MCMBP: variants seen among roughly 807,000 people sequenced by gnomAD.
MCMBP encodes the protein minichromosome maintenance complex binding protein, also known as mini-chromosome maintenance complex-binding protein.
MCMBP carries 31 observed loss-of-function variants against 81.3 expected under a neutral mutation model. That is an observed-to-expected ratio of 0.38 (90% CI 0.29 to 0.51). The LOEUF (loss-of-function observed/expected upper bound fraction) is 0.51. Ranked by LOEUF, MCMBP falls within the 20% of genes least tolerant of loss-of-function variation. MCMBP has a pLI of 0.87. For missense variants in MCMBP, 645 were observed against 772.1 expected (o/e 0.84, Z 1.95); for synonymous variants, 267 against 275.9 (o/e 0.97, Z 0.32).
chr10:119,844,448 A>C (rs1191734747), intron 8 of MCMBP, among the ~76,000 whole-genome samples: 1 of 152,214 alleles, frequency 6.6e-6, no homozygotes, highest in Admixed American at 6.5e-5. Flanking sequence ...TACACGTACA[A>C]ATTCACCAAA....
chr10:119,843,538 T>C (rs910751333), intron 8 of MCMBP, 112 bp from the exon 9 acceptor site: 5 of 989,046 alleles, frequency 5.1e-6, no homozygotes, highest in Non-Finnish European at 7.3e-6. Flanking sequence ...TATTTCCACC[T>C]GTACATCTCC....
At chr10:119,850,522 G>A (rs1852772693) in intron 6 of MCMBP, among the ~76,000 whole-genome samples, 1 of 152,116 alleles carries the variant, frequency 6.6e-6, no homozygotes, top group Non-Finnish European at 1.5e-5. Context: ...GGCTGAGGCA[G>A]GTGGATCACG....
At chr10:119,833,877 A>C (rs961792369) in intron 14 of MCMBP, among the ~76,000 whole-genome samples, 1 of 152,184 alleles carries the variant, frequency 6.6e-6, no homozygotes, top group African/African-American at 2.4e-5. Context: ...AGAATCACCA[A>C]ATAGAGAGTA....
intron 6 of MCMBP, among the ~76,000 whole-genome samples, chr10:119,850,764 A>AAC (rs1444777924): frequency 1.0e-4 from 15 of 148,832 alleles, no homozygotes; most frequent in African/African-American, 3.4e-4. Flanking sequence ...AAAAAAAAAA[A>AAC]GGAAAAAAAA....
chr10:119,854,202 C>T (rs770674888), intron 5 of MCMBP, among the ~76,000 whole-genome samples: 15 of 151,784 alleles, frequency 9.9e-5, no homozygotes, highest in Non-Finnish European at 1.6e-4. Flanking sequence ...CCACCAAGCC[C>T]GGCTAGTTTT....
At chr10:119,836,855 C>T (rs2134342138) in intron 13 of MCMBP, 41 bp downstream of exon 13, 1 of 1,363,148 alleles carries the variant, frequency 7.3e-7, no homozygotes, top group Middle Eastern at 2.0e-4. Context: ...AGGTATTTTT[C>T]CAATGTCAAC....
chr10:119,855,888 C>T (rs1265804270), intron 5 of MCMBP, among the ~76,000 whole-genome samples: 3 of 152,132 alleles, frequency 2.0e-5, no homozygotes, highest in African/African-American at 7.2e-5. Context: ...GTTTAAATGA[C>T]TTCAAAACAG....
chr10:119,853,250 T>C, intron 5 of MCMBP, 56 bp from the exon 6 acceptor site: 1 of 1,541,232 alleles, frequency 6.5e-7, no homozygotes, highest in South Asian at 1.2e-5. Flanking sequence ...CCTAAAGTTT[T>C]GCTAATTATA....
At chr10:119,862,609 T>C (rs1223684737) in intron 1 of MCMBP, among the ~76,000 whole-genome samples, 1 of 152,228 alleles carries the variant, frequency 6.6e-6, no homozygotes, top group East Asian at 1.9e-4. Context: ...GACATTTAGA[T>C]TGTCTTCAGG....
chr10:119,835,416 G>A (rs1454356218), intron 14 of MCMBP, 124 bp downstream of exon 14: 1 of 845,004 alleles, frequency 1.2e-6, no homozygotes, highest in African/African-American at 1.7e-5. Context: ...AGTAACAGAG[G>A]AATAAAAAAA....
chr10:119,842,073 C>T (rs1852454286), intron 10 of MCMBP, among the ~76,000 whole-genome samples: 3 of 152,096 alleles, frequency 2.0e-5, no homozygotes, highest in Admixed American at 1.3e-4. Context: ...CACAGGAGCG[C>T]GAACCCTATT....
chr10:119,839,611 G>A (rs1395835181), intron 11 of MCMBP, among the ~76,000 whole-genome samples: 1 of 152,098 alleles, frequency 6.6e-6, no homozygotes, highest in African/African-American at 2.4e-5. Flanking sequence ...AACCCCCAGG[G>A]AATTGCTTAA....
Position 119,847,699 on chromosome 10 carries a change from C to T in MCMBP, c.741G>A (p.Trp247Ter). ...PACLVKVYED[W>*]DCFKVNDILE... Reference sequence around the variant, plus strand: ...GAATGTCATTTACTTTGAAACAATCCCAATCTTCATAAACCTAACAAGAGA... The same window carrying T: ...GAATGTCATTTACTTTGAAACAATCTCAATCTTCATAAACCTAACAAGAGA... The change falls in exon 8 of 16, where the codon TGG (tryptophan) becomes TGA (stop). Residue 247 changes from tryptophan to a stop codon, truncating the protein, a stop_gained. Transcript: ENST00000369077. LOFTEE classifies it high-confidence loss of function. The T allele has an allele frequency of 6.2e-7, 1 of 1,605,804 alleles. No homozygotes were observed.
At chr10:119,845,359 C>G (rs1276921208) in intron 8 of MCMBP, among the ~76,000 whole-genome samples, 1 of 150,744 alleles carries the variant, frequency 6.6e-6, no homozygotes, top group Non-Finnish European at 1.5e-5. Context: ...TTGGCAATCT[C>G]AAAACAAAAC....
intron 13 of MCMBP, 136 bp downstream of exon 13, chr10:119,836,757 GTTT>G (rs199759464): frequency 6.4e-5 from 19 of 296,938 alleles, no homozygotes; most frequent in Middle Eastern, 1.4e-3. Context: ...AGCAGTCACA[GTTT>G]TTTTTTTTTT....
At chr10:119,839,328 T>G (rs1852353423) in intron 11 of MCMBP, among the ~76,000 whole-genome samples, 1 of 152,132 alleles carries the variant, frequency 6.6e-6, no homozygotes, top group Admixed American at 6.6e-5. Context: ...GTGCTCTGCC[T>G]TATACACCAA....
chr10:119,833,418 G>A (rs1418826985), intron 14 of MCMBP, among the ~76,000 whole-genome samples: 1 of 151,520 alleles, frequency 6.6e-6, no homozygotes, highest in Non-Finnish European at 1.5e-5. Context: ...CAAGGTGGGA[G>A]GACTACTTGA....
chr10:119,836,775 T>G (rs1349840254), intron 13 of MCMBP, 121 bp downstream of exon 13: 2 of 244,150 alleles, frequency 8.2e-6, no homozygotes, highest in Non-Finnish European at 6.5e-6. Flanking sequence ...TTTTTTTTTT[T>G]TTTTTTTTTT....
chr10:119,835,154 G>C (rs1267669461), intron 14 of MCMBP, among the ~76,000 whole-genome samples: 1 of 152,176 alleles, frequency 6.6e-6, no homozygotes, highest in African/African-American at 2.4e-5. Flanking sequence ...GGAGCACAAG[G>C]GAGAGGAGAA....
Sources: gnomAD v4.1 joint callset for allele counts (sites outside exome capture counted in the v4.1 genomes callset) on GRCh38, gnomAD v4.1.1 for gene constraint, MANE v1.5 for transcripts, NCBI Gene and HGNC (gene_info 2026-07-23, HGNC 2026-07-21) for gene names.